MGMT: variants seen among roughly 807,000 people sequenced by gnomAD.
MGMT encodes the protein O-6-methylguanine-DNA methyltransferase.
MGMT carries 14 observed loss-of-function variants against 15.9 expected under a neutral mutation model. The ratio of observed to expected loss-of-function variants is 0.88; its 90% CI spans 0.58 to 1.37. The LOEUF (loss-of-function observed/expected upper bound fraction) is 1.37. Ranked by LOEUF, MGMT falls within the 40% of genes most tolerant of loss-of-function variation. The pLI, the probability that MGMT is intolerant of heterozygous loss-of-function variation, is 0.00. For missense variants in MGMT, 282 were observed against 268.1 expected, an observed-to-expected ratio of 1.05 and a Z score of -0.36; for synonymous variants, 130 against 118.2, an observed-to-expected ratio of 1.10 and a Z score of -0.65.
At chr10:129,710,325 G>A (rs764701977) in intron 3 of MGMT, among the ~76,000 whole-genome samples, 21 of 152,236 alleles carry the variant, frequency 1.4e-4, no homozygotes, top group Non-Finnish European at 2.8e-4. Context: ...GGATGGTAGT[G>A]CGACAGCCGC....
intron 1 of MGMT, among the ~76,000 whole-genome samples, chr10:129,499,266 T>TA (rs916242780): frequency 6.6e-6 from 1 of 152,214 alleles, no homozygotes; most frequent in Non-Finnish European, 1.5e-5. Flanking sequence ...TAAACATGGT[T>TA]AGGAATATAG....
chr10:129,724,967 A>G (rs1848415203), intron 3 of MGMT, among the ~76,000 whole-genome samples: 1 of 152,166 alleles, frequency 6.6e-6, no homozygotes, highest in Non-Finnish European at 1.5e-5. Context: ...TTGCACCTGG[A>G]GGGCAGGGTG....
At chr10:129,510,127 C>T (rs1029312888) in intron 1 of MGMT, among the ~76,000 whole-genome samples, 1 of 152,078 alleles carries the variant, frequency 6.6e-6, no homozygotes, top group African/African-American at 2.4e-5. Context: ...AGTACCAGGA[C>T]TCCAGGAGTT....
intron 2 of MGMT, among the ~76,000 whole-genome samples, chr10:129,553,973 C>T (rs1167591999): frequency 2.0e-5 from 3 of 152,212 alleles, no homozygotes; most frequent in East Asian, 1.9e-4. Context: ...AAGACTCTCC[C>T]GGCTCCCCAG....
chr10:129,612,357 A>AC (rs1846970549), intron 2 of MGMT, among the ~76,000 whole-genome samples: 1 of 152,260 alleles, frequency 6.6e-6, no homozygotes, highest in African/African-American at 2.4e-5. Flanking sequence ...AGCATATCCA[A>AC]CCCCCACTTC....
chr10:129,667,026 T>A (rs1847666821), intron 2 of MGMT, among the ~76,000 whole-genome samples: 1 of 152,230 alleles, frequency 6.6e-6, no homozygotes, highest in African/African-American at 2.4e-5. Context: ...ACCCTGAAGT[T>A]GTATCCATAC....
In MGMT at chr10:129,677,170, G is replaced by GTT. The variant is rs11385209; in HGVS notation, c.126-30716_126-30715dup. On this transcript the variant is annotated intron_variant, in intron 2 of 4. Coordinates refer to ENST00000651593, the MANE Select transcript of MGMT (RefSeq NM_002412.5). ...GAGTTGATTTACATGAAACACATGT[G>GTT]TTTTTTTTTTAAAGACAATTTTAAT... is the stretch of plus-strand genomic sequence containing the variant. Among the ~76,000 whole-genome samples, 364 of 149,924 alleles carry GTT rather than the reference G, an allele frequency of 2.4e-3. 1 individual carries two copies. The highest frequency in any genetic ancestry group is 7.6e-3 in the African/African-American group (311 of 40,910).
chr10:129,538,309 G>A (rs930102022), intron 2 of MGMT, among the ~76,000 whole-genome samples: 1 of 152,286 alleles, frequency 6.6e-6, no homozygotes, highest in Middle Eastern at 3.4e-3. Flanking sequence ...TCCTCTTTGT[G>A]AATTTTTGTT....
chr10:129,704,751 G>A (rs182726960), intron 2 of MGMT, among the ~76,000 whole-genome samples: 23 of 151,980 alleles, frequency 1.5e-4, no homozygotes, highest in Admixed American at 4.6e-4. Context: ...GTGTATGGGG[G>A]CCCCTATGTG....
chr10:129,633,218 A>G (rs1371446935), intron 2 of MGMT, among the ~76,000 whole-genome samples: 1 of 152,204 alleles, frequency 6.6e-6, no homozygotes, highest in South Asian at 2.1e-4. Context: ...AAAACGTTAT[A>G]CCTTGCAGCT....
chr10:129,731,260 C>G (rs1848493638), intron 3 of MGMT, among the ~76,000 whole-genome samples: 1 of 151,942 alleles, frequency 6.6e-6, no homozygotes, highest in African/African-American at 2.4e-5. Flanking sequence ...CTCGATTCCT[C>G]TGGACCCCTC....
At chr10:129,529,378 C>T (rs34393666) in intron 1 of MGMT, among the ~76,000 whole-genome samples, 33,416 of 151,992 alleles carry the variant, frequency 0.22, 4,266 homozygotes, top group Non-Finnish European at 0.28. Flanking sequence ...CTCAGATCAC[C>T]AGGCACTAGA....
At chr10:129,577,460 T>C (rs1846498024) in intron 2 of MGMT, among the ~76,000 whole-genome samples, 1 of 152,200 alleles carries the variant, frequency 6.6e-6, no homozygotes, top group East Asian at 1.9e-4. Flanking sequence ...TAATAAATGG[T>C]GCTGGGAAAA....
chr10:129,481,039 C>T (rs1211551395), intron 1 of MGMT, among the ~76,000 whole-genome samples: 1 of 152,198 alleles, frequency 6.6e-6, no homozygotes, highest in Non-Finnish European at 1.5e-5. Flanking sequence ...TGATTGCTTC[C>T]TCAGGGCATT....
intron 1 of MGMT, among the ~76,000 whole-genome samples, chr10:129,527,175 A>G (rs1845879809): frequency 6.6e-6 from 1 of 152,216 alleles, no homozygotes; most frequent in African/African-American, 2.4e-5. Context: ...TCCCTGTGCA[A>G]GCCTGAGAGG....
chr10:129,539,275 A>G lies in MGMT; in HGVS notation c.125+2898A>G, dbSNP rs74160219. ...GTTTAGATATATGTGATCCATTTTG[A>G]ATTACCTTTTTGTGAGGTACAGAGT... On this transcript the variant is annotated intron_variant, in intron 2 of 4. Coordinates refer to ENST00000651593, the MANE Select transcript of MGMT (RefSeq NM_002412.5). Among the ~76,000 whole-genome samples the G allele has an allele frequency of 9.4e-3, 1,437 of 152,188 alleles. 25 individuals are homozygous for G. Among genetic ancestry groups the G allele is most frequent in the African/African-American group, 0.033 (1,381 of 41,498 alleles).
intron 1 of MGMT, among the ~76,000 whole-genome samples, chr10:129,483,343 C>G (rs1172615463): frequency 2.6e-5 from 4 of 152,044 alleles, no homozygotes; most frequent in Admixed American, 6.6e-5. Flanking sequence ...TGCATATTTA[C>G]TGTTTTTTGA....
chr10:129,546,169 G>A (rs1475701998), intron 2 of MGMT, among the ~76,000 whole-genome samples: 1 of 152,242 alleles, frequency 6.6e-6, no homozygotes, highest in Non-Finnish European at 1.5e-5. Context: ...CAGATGGCAG[G>A]CCCTGCATGG....
chr10:129,703,675 G>A (rs1196566073), intron 2 of MGMT, among the ~76,000 whole-genome samples: 1 of 149,822 alleles, frequency 6.7e-6, no homozygotes, highest in Non-Finnish European at 1.5e-5. Flanking sequence ...CATCCTCGCC[G>A]GGGGGGCACC....
Sources: allele counts gnomAD v4.1 joint callset (sites outside exome capture counted in the v4.1 genomes callset), GRCh38; gene constraint gnomAD v4.1.1; transcripts MANE v1.5; gene names NCBI Gene and HGNC (gene_info 2026-07-23, HGNC 2026-07-21).